Variants in NELL1 observed in about 807,000 individuals in gnomAD.
NELL1 encodes the protein protein kinase C-binding protein NELL1.
Under a neutral mutation model 107.4 loss-of-function variants are expected in NELL1, and 76 were observed. That is an observed-to-expected ratio of 0.71 (90% CI 0.59 to 0.86). The LOEUF (loss-of-function observed/expected upper bound fraction) is 0.86, where lower values mean the gene tolerates loss of function less well. NELL1 is among the 40% of genes least tolerant of loss of function. The probability of loss-of-function intolerance (pLI) is 0.00; values close to 1 mark genes in which losing one functional copy is unlikely to be tolerated. For synonymous variants in NELL1, 353 were observed against 341.2 expected, an observed-to-expected ratio of 1.03 and a Z score of -0.38; for missense variants, 1,024 against 1,005.5, an observed-to-expected ratio of 1.02 and a Z score of -0.25.
intron 12 of NELL1, among the ~76,000 whole-genome samples, chr11:21,010,697 T>C (rs1852427733): frequency 6.6e-6 from 1 of 152,116 alleles, no homozygotes; most frequent in African/African-American, 2.4e-5. Flanking sequence ...GGAGTAAAGC[T>C]GAGGGGCTCT....
At chr11:21,170,140 C>T (rs1856572470) in intron 13 of NELL1, 1 of 676,160 alleles carries the variant, frequency 1.5e-6, no homozygotes, top group South Asian at 1.8e-5. Context: ...TGTTCCATGA[C>T]TCCTTCAATA....
At chr11:20,680,298 T>C (rs778448547) in intron 2 of NELL1, among the ~76,000 whole-genome samples, 104 of 152,268 alleles carry the variant, frequency 6.8e-4, no homozygotes, top group Non-Finnish European at 1.2e-3. Context: ...CAAGGATTCA[T>C]GTCTGTCCCA....
At chr11:21,393,228 G>T (rs915021454) in intron 15 of NELL1, among the ~76,000 whole-genome samples, 4 of 151,608 alleles carry the variant, frequency 2.6e-5, no homozygotes, top group African/African-American at 9.7e-5. Flanking sequence ...TTAATGATCT[G>T]GAAAGAGAAT....
chr11:21,344,276 A>G (rs537724755), intron 14 of NELL1, among the ~76,000 whole-genome samples: 2 of 152,340 alleles, frequency 1.3e-5, no homozygotes, highest in East Asian at 3.9e-4. Flanking sequence ...AGGAGCTGGT[A>G]GAGAGATTTC....
intron 13 of NELL1, among the ~76,000 whole-genome samples, chr11:21,181,896 G>A (rs771988223): frequency 3.3e-5 from 5 of 151,922 alleles, no homozygotes; most frequent in Non-Finnish European, 7.3e-5. Context: ...TGTGAGAACA[G>A]TAGCTGAATT....
In NELL1 at chr11:21,575,442, GT is replaced by G; in HGVS notation, c.*422del. 1 of 169,310 alleles carries G rather than the reference GT, an allele frequency of 5.9e-6. No individual in the cohort carries two copies. The highest frequency in any genetic ancestry group is 1.3e-5 in the Non-Finnish European group (1 of 78,048). 10.5% of individuals were successfully genotyped at this position (169,310 alleles called of 1,614,324 possible). On this transcript the variant is annotated 3_prime_UTR_variant, in exon 20 of 20. Coordinates refer to ENST00000357134, the MANE Select transcript of NELL1 (RefSeq NM_006157.5). ...TTTATGGATCAAATTCTAAAATAAA[GT>G]TGCCTGTTGTGACTTTTGTCCCATC...
At chr11:20,766,332 A>G (rs1385141816) in intron 2 of NELL1, among the ~76,000 whole-genome samples, 2 of 152,178 alleles carry the variant, frequency 1.3e-5, no homozygotes, top group African/African-American at 4.8e-5. Flanking sequence ...GCAACCAGAT[A>G]GTGCCTCAAA....
In NELL1 at chr11:21,541,075, T is replaced by G. The variant is rs1303169566; in HGVS notation, c.1786+6561T>G. Among the ~76,000 whole-genome samples, 10 of 152,150 alleles carry G rather than the reference T, an allele frequency of 6.6e-5. No individual in the cohort carries two copies. In the East Asian group the frequency reaches 7.7e-4, roughly 12 times the overall value. On this transcript the variant is annotated intron_variant, in intron 16 of 19. Transcript: ENST00000357134. ...TCACCTACAGTACAATTTAGGTGTTTTTTGATAGATTTTTATCAATTAATG... is the reference window on the plus strand; with the variant it reads ...TCACCTACAGTACAATTTAGGTGTTGTTTGATAGATTTTTATCAATTAATG...
At chr11:20,860,646 GC>G (rs1848962417) in intron 4 of NELL1, among the ~76,000 whole-genome samples, 1 of 152,192 alleles carries the variant, frequency 6.6e-6, no homozygotes. Flanking sequence ...AGTAATCCTA[GC>G]AGTTTTTGCT....
At chr11:21,562,094 C>T (rs1856863313) in intron 17 of NELL1, among the ~76,000 whole-genome samples, 1 of 152,128 alleles carries the variant, frequency 6.6e-6, no homozygotes, top group South Asian at 2.1e-4. Flanking sequence ...AGGCAAAGGA[C>T]ATTAGTGGAG....
chr11:20,973,360 G>A (rs1252770178), intron 12 of NELL1, among the ~76,000 whole-genome samples: 1 of 151,992 alleles, frequency 6.6e-6, no homozygotes, highest in African/African-American at 2.4e-5. Flanking sequence ...CACCTGCCTC[G>A]GCCTCCCAAA....
intron 5 of NELL1, among the ~76,000 whole-genome samples, chr11:20,892,648 A>G (rs1849640259): frequency 6.6e-6 from 1 of 152,232 alleles, no homozygotes; most frequent in South Asian, 2.1e-4. Context: ...GCAGTGGCTC[A>G]GGCCAGACAC....
At position 21,139,596 on chromosome 11, in the gene NELL1, A is replaced by G. The variant is rs182857107; in HGVS notation, c.1426+25882A>G. On this transcript the variant is annotated intron_variant, in intron 13 of 19. Coordinates refer to ENST00000357134, the MANE Select transcript of NELL1 (RefSeq NM_006157.5). The stretch of plus-strand genomic sequence containing the variant: ...ATTTGTAAGCTCTGTGAGGGCATGA[A>G]TGTTTGTTGCTTTTCTTCAATCCAT... Among the ~76,000 whole-genome samples the G allele has an allele frequency of 2.6e-3, 394 of 152,294 alleles. 2 individuals are homozygous for G. The highest frequency in any genetic ancestry group is 9.0e-3 in the African/African-American group (374 of 41,550).
chr11:20,863,477 C>T (rs1219702087), intron 4 of NELL1, among the ~76,000 whole-genome samples: 4 of 136,136 alleles, frequency 2.9e-5, no homozygotes, highest in Non-Finnish European at 4.9e-5. Flanking sequence ...ACGGGGCGGC[C>T]GGGCAGAGAC....
At chr11:20,782,757 T>A (rs1260505544) in intron 2 of NELL1, among the ~76,000 whole-genome samples, 1 of 152,220 alleles carries the variant, frequency 6.6e-6, no homozygotes, top group Non-Finnish European at 1.5e-5. Flanking sequence ...AATGTTCATT[T>A]ATCATCCTCT....
At chr11:21,177,651 A>G (rs10833474) in intron 13 of NELL1, among the ~76,000 whole-genome samples, 44,120 of 151,596 alleles carry the variant, frequency 0.29, 6,771 homozygotes, top group Middle Eastern at 0.36. Context: ...AGATTGCTGA[A>G]TCACATGGTA....
chr11:20,813,961 T>G (rs374164277), intron 3 of NELL1, among the ~76,000 whole-genome samples: 1 of 151,550 alleles, frequency 6.6e-6, no homozygotes. Context: ...TTTAATTTAT[T>G]TATTTTGTTA....
intron 13 of NELL1, among the ~76,000 whole-genome samples, chr11:21,184,095 C>T (rs1856883624): frequency 6.6e-6 from 1 of 151,796 alleles, no homozygotes; most frequent in African/African-American, 2.4e-5. Context: ...AGTTGGCTAG[C>T]AACTGGTGTG....
At chr11:21,164,392 C>G (rs1181177415) in intron 13 of NELL1, among the ~76,000 whole-genome samples, 3 of 152,132 alleles carry the variant, frequency 2.0e-5, no homozygotes, top group Non-Finnish European at 4.4e-5. Flanking sequence ...AGTCTCAATT[C>G]TGTACAAACA....
Sources: gnomAD v4.1 joint callset for allele counts (sites outside exome capture counted in the v4.1 genomes callset) on GRCh38, gnomAD v4.1.1 for gene constraint, MANE v1.5 for transcripts, NCBI Gene and HGNC (gene_info 2026-07-23, HGNC 2026-07-21) for gene names.